The following ELOVL7 variants were observed in gnomAD, a reference collection of about 807,000 sequenced individuals.
ELOVL7 encodes the protein very long chain fatty acid elongase 7.
ELOVL7 carries 27 observed loss-of-function variants against 35.7 expected under a neutral mutation model. The observed-to-expected ratio is 0.76, with a 90% CI of 0.56 to 1.04. The LOEUF (loss-of-function observed/expected upper bound fraction) is 1.04. Ranked by LOEUF, ELOVL7 falls within the 50% of genes least tolerant of loss-of-function variation. The probability of loss-of-function intolerance (pLI) is 0.00; values close to 1 mark genes in which losing one functional copy is unlikely to be tolerated. For missense variants in ELOVL7, 327 were observed against 340.8 expected, an observed-to-expected ratio of 0.96 and a Z score of 0.32; for synonymous variants, 113 against 114.6, an observed-to-expected ratio of 0.99 and a Z score of 0.09.
intron 1 of ELOVL7, among the ~76,000 whole-genome samples, chr5:60,821,372 G>A (rs574240988): frequency 6.6e-6 from 1 of 152,210 alleles, no homozygotes; most frequent in East Asian, 1.9e-4. Context: ...TCAACCCCAC[G>A]TGACTCTCTA....
At position 60,754,668 on chromosome 5, in the gene ELOVL7, G is replaced by A; in HGVS notation, c.802C>T (p.Pro268Ser). The A allele has an allele frequency of 6.2e-7, 1 of 1,613,970 alleles. No homozygotes were observed. The highest frequency in any genetic ancestry group is 8.5e-7 in the Non-Finnish European group (1 of 1,179,972). Residue 268 changes from proline to serine, a missense_variant, in exon 9 of 9, where the codon CCC becomes TCC. Physicochemically the swap from Pro to Ser is moderately conservative, Grantham distance 74. Transcript: ENST00000508821. ...YRAYTKGQRL[P>S]KTVKNGTCKN... Reference sequence around the variant, plus strand: ...CAAGTTCCATTTTTCACAGTTTTGGGCAACCTCTGACCTTTGGTGTAAGCA... The same window carrying A: ...CAAGTTCCATTTTTCACAGTTTTGGACAACCTCTGACCTTTGGTGTAAGCA...
chr5:60,754,411 A>T lies in ELOVL7; in HGVS notation c.*213T>A. On this transcript the variant is annotated 3_prime_UTR_variant, in exon 9 of 9. Transcript: ENST00000508821. Reference sequence around the variant, plus strand: ...AGCAGCTAAAAAAACAAAAACAAAAACAAAAACAAATTCTGGCTGCTGTAG... The same window carrying T: ...AGCAGCTAAAAAAACAAAAACAAAATCAAAAACAAATTCTGGCTGCTGTAG... The T allele has an allele frequency of 1.9e-6, 1 of 538,404 alleles. No homozygotes were observed. The highest frequency in any genetic ancestry group is 5.0e-4 in the Middle Eastern group (1 of 2,020). 33.4% of individuals were successfully genotyped at this position (538,404 alleles called of 1,614,324 possible). A position where few individuals can be genotyped will look rare whatever the true frequency, so the allele number is the denominator to read the frequency against.
intron 1 of ELOVL7, among the ~76,000 whole-genome samples, chr5:60,822,500 T>C (rs895832013): frequency 3.3e-5 from 5 of 152,138 alleles, no homozygotes; most frequent in Non-Finnish European, 7.4e-5. Flanking sequence ...GAGAAATCAT[T>C]ATAGGCCTGA....
intron 7 of ELOVL7, among the ~76,000 whole-genome samples, chr5:60,758,665 A>C (rs950838232): frequency 6.6e-6 from 1 of 152,214 alleles, no homozygotes; most frequent in Non-Finnish European, 1.5e-5. Flanking sequence ...AGAAAAAATC[A>C]TTTCAATTGT....
At chr5:60,795,026 G>A (rs547368265) in intron 2 of ELOVL7, among the ~76,000 whole-genome samples, 8 of 152,216 alleles carry the variant, frequency 5.3e-5, no homozygotes, top group Non-Finnish European at 1.0e-4. Flanking sequence ...AAGCTATTCC[G>A]CAGAAATAAT....
chr5:60,801,101 A>AT (rs1375531377), intron 1 of ELOVL7, among the ~76,000 whole-genome samples: 1 of 151,800 alleles, frequency 6.6e-6, no homozygotes, highest in African/African-American at 2.4e-5. Flanking sequence ...CTAATTTTTT[A>AT]TTTTTTGTAG....
chr5:60,781,501 G>T (rs934580594), intron 3 of ELOVL7, among the ~76,000 whole-genome samples: 3 of 152,148 alleles, frequency 2.0e-5, no homozygotes, highest in African/African-American at 7.2e-5. Flanking sequence ...TCCTCTGGTA[G>T]CAGTAGAAAG....
At chr5:60,774,679 G>A (rs1306698014) in intron 3 of ELOVL7, among the ~76,000 whole-genome samples, 2 of 151,694 alleles carry the variant, frequency 1.3e-5, no homozygotes, top group Non-Finnish European at 2.9e-5. Context: ...CATCAAAATT[G>A]GAAAAGAGGA....
intron 3 of ELOVL7, among the ~76,000 whole-genome samples, chr5:60,776,228 T>G (rs1166219226): frequency 6.6e-6 from 1 of 152,026 alleles, no homozygotes; most frequent in Admixed American, 6.6e-5. Context: ...GTCAAATAAT[T>G]ACAGAAGTTG....
chr5:60,791,552 A>G (rs1192350748), intron 2 of ELOVL7, among the ~76,000 whole-genome samples: 2 of 152,166 alleles, frequency 1.3e-5, no homozygotes, highest in Non-Finnish European at 2.9e-5. Flanking sequence ...AGTTGTGCCA[A>G]TTTAGTAGGA....
intron 7 of ELOVL7, among the ~76,000 whole-genome samples, chr5:60,758,128 C>A (rs1043115170): frequency 6.6e-6 from 1 of 152,126 alleles, no homozygotes; most frequent in Admixed American, 6.5e-5. Context: ...CAAGAATATA[C>A]CCCTCCCAAG....
At chr5:60,812,258 A>G (rs1451515864) in intron 1 of ELOVL7, among the ~76,000 whole-genome samples, 2 of 152,208 alleles carry the variant, frequency 1.3e-5, no homozygotes, top group Non-Finnish European at 2.9e-5. Flanking sequence ...AAAAGGAAAT[A>G]TAAAGAATAA....
intron 2 of ELOVL7, among the ~76,000 whole-genome samples, chr5:60,791,904 G>A (rs761803757): frequency 6.6e-5 from 10 of 151,976 alleles, no homozygotes; most frequent in Non-Finnish European, 1.2e-4. Flanking sequence ...GTATCTGTGC[G>A]ATTTTTTTCC....
chr5:60,768,198 G>A (rs1579787238), intron 4 of ELOVL7, among the ~76,000 whole-genome samples: 1 of 152,238 alleles, frequency 6.6e-6, no homozygotes, highest in Non-Finnish European at 1.5e-5. Flanking sequence ...GGAGTGTTTT[G>A]CTTAAACAGC....
intron 1 of ELOVL7, among the ~76,000 whole-genome samples, chr5:60,814,914 C>T (rs1328428037): frequency 6.6e-6 from 1 of 152,152 alleles, no homozygotes; most frequent in Non-Finnish European, 1.5e-5. Context: ...TCACCTCCAC[C>T]CCATCCCCAT....
chr5:60,837,314 G>GT (rs1262673602), intron 1 of ELOVL7, among the ~76,000 whole-genome samples: 1 of 104,052 alleles, frequency 9.6e-6, no homozygotes, highest in Admixed American at 8.8e-5. Context: ...GGGCGGGGGG[G>GT]TGGGGGGGGA....
intron 5 of ELOVL7, 98 bp from the exon 6 acceptor site, chr5:60,766,728 T>C (rs776324398): frequency 2.0e-5 from 20 of 998,266 alleles, no homozygotes; most frequent in Middle Eastern, 3.2e-4. Flanking sequence ...AAATCTGTCA[T>C]GTCAACCATT....
intron 1 of ELOVL7, among the ~76,000 whole-genome samples, chr5:60,799,842 A>G (rs1271774155): frequency 6.6e-6 from 1 of 151,932 alleles, no homozygotes; most frequent in African/African-American, 2.4e-5. Context: ...GTTCGAGACT[A>G]GCCTGACCAA....
At chr5:60,786,717 C>A (rs1373253571) in intron 3 of ELOVL7, among the ~76,000 whole-genome samples, 1 of 152,002 alleles carries the variant, frequency 6.6e-6, no homozygotes, top group Admixed American at 6.6e-5. Flanking sequence ...GAGGCCAAGG[C>A]GGGCGGATCA....
Sources: gnomAD v4.1 joint callset for allele counts (sites outside exome capture counted in the v4.1 genomes callset) on GRCh38, gnomAD v4.1.1 for gene constraint, MANE v1.5 for transcripts, NCBI Gene and HGNC (gene_info 2026-07-23, HGNC 2026-07-21) for gene names.